Variants in NRP1 observed in about 807,000 individuals in gnomAD.
The protein encoded by NRP1 is neuropilin-1.
A neutral mutation model predicts 106.7 loss-of-function variants in NRP1; 35 were observed. That is an observed-to-expected ratio of 0.33 (90% CI 0.25 to 0.43). The LOEUF is 0.43. NRP1 is among the 20% of genes least tolerant of loss of function. The pLI, the probability that NRP1 is intolerant of heterozygous loss-of-function variation, is 1.00. For missense variants in NRP1, 1,024 were observed against 1,170.4 expected (o/e 0.87, Z 1.83); for synonymous variants, 437 against 417.9 (o/e 1.05, Z -0.56).
At chr10:33,196,918 G>T (rs553259781) in intron 12 of NRP1, among the ~76,000 whole-genome samples, 5 of 152,110 alleles carry the variant, frequency 3.3e-5, no homozygotes, top group Admixed American at 6.6e-5. Flanking sequence ...GTTCACCTTA[G>T]TCTAATGATT....
intron 6 of NRP1, among the ~76,000 whole-genome samples, chr10:33,238,290 T>C (rs1840738424): frequency 6.6e-6 from 1 of 152,236 alleles, no homozygotes. Context: ...AAACTGTGGA[T>C]GCTTTCTTTA....
intron 6 of NRP1, among the ~76,000 whole-genome samples, chr10:33,226,827 C>T (rs574139567): frequency 5.3e-5 from 8 of 152,270 alleles, no homozygotes; most frequent in Admixed American, 5.2e-4. Flanking sequence ...CTTGGGAGCC[C>T]CTGTTTTCAG....
At chr10:33,330,258 T>C (rs61758244) in intron 2 of NRP1, among the ~76,000 whole-genome samples, 321 of 152,306 alleles carry the variant, frequency 2.1e-3, no homozygotes, top group African/African-American at 7.5e-3. Context: ...AATCATAAGA[T>C]GTGCCACAGT....
At chr10:33,332,436 G>T (rs1056303603) in intron 1 of NRP1, among the ~76,000 whole-genome samples, 5 of 152,204 alleles carry the variant, frequency 3.3e-5, no homozygotes, top group Non-Finnish European at 7.3e-5. Flanking sequence ...CAAACATCAT[G>T]GTAGTGTCTG....
At position 33,202,632 on chromosome 10, in the gene NRP1, T is replaced by G. The variant is rs1009908599; in HGVS notation, c.1864+259A>C. The stretch of plus-strand genomic sequence containing the variant: ...AGTACATTTAGCCATGGGGAAATTC[T>G]TATTCAATTAAGATAATCCTAGCCT... On this transcript the variant is annotated intron_variant, in intron 11 of 16. Coordinates refer to ENST00000374867, the MANE Select transcript of NRP1 (RefSeq NM_003873.7). The G allele has an allele frequency of 9.2e-6, 14 of 1,523,728 alleles. No individual in the cohort carries two copies. The African/African-American group carries it at 1.9e-4, about 21-fold the overall frequency. The allele number at this position is 1,523,728 out of a possible 1,614,324, so 94.4% of individuals were successfully genotyped here.
intron 2 of NRP1, among the ~76,000 whole-genome samples, chr10:33,312,181 G>A (rs765912266): frequency 1.3e-5 from 2 of 152,092 alleles, no homozygotes; most frequent in Non-Finnish European, 2.9e-5. Flanking sequence ...TTTAAATCAA[G>A]TTTCCTGTCT....
At chr10:33,320,964 A>T (rs1256855215) in intron 2 of NRP1, among the ~76,000 whole-genome samples, 1 of 152,128 alleles carries the variant, frequency 6.6e-6, no homozygotes, top group South Asian at 2.1e-4. Context: ...ATCTTTCCAA[A>T]AGAGTTGATC....
chr10:33,334,530 C>G lies in NRP1; in HGVS notation c.-148G>C. ...GCCCGTCTTGGAGAAAAGAAAGCAGCGAGGCAATGCCTGGATCCGAGAGGA... is the reference window on the plus strand; with the variant it reads ...GCCCGTCTTGGAGAAAAGAAAGCAGGGAGGCAATGCCTGGATCCGAGAGGA... On this transcript the variant is annotated 5_prime_UTR_variant, in exon 1 of 17. Coordinates refer to ENST00000374867, the MANE Select transcript of NRP1 (RefSeq NM_003873.7). The G allele has an allele frequency of 3.1e-6, 2 of 648,728 alleles. No individual in the cohort carries two copies. Among genetic ancestry groups the G allele is most frequent in the Non-Finnish European group, 5.2e-6 (2 of 388,070 alleles). 40.2% of individuals were successfully genotyped at this position (648,728 alleles called of 1,614,324 possible).
chr10:33,249,041 T>G (rs1471632491), intron 6 of NRP1, among the ~76,000 whole-genome samples: 2 of 150,464 alleles, frequency 1.3e-5, no homozygotes, highest in African/African-American at 2.4e-5. Context: ...TTTTGTTTCT[T>G]TGAACAACAA....
intron 6 of NRP1, among the ~76,000 whole-genome samples, chr10:33,237,487 G>GCGCACACACA (rs1554788780): frequency 1.4e-5 from 2 of 144,758 alleles, no homozygotes; most frequent in African/African-American, 5.2e-5. Context: ...ACATGCGCGC[G>GCGCACACACA]CACACACACA....
At chr10:33,277,212 T>C (rs1457315777) in intron 2 of NRP1, among the ~76,000 whole-genome samples, 1 of 152,060 alleles carries the variant, frequency 6.6e-6, no homozygotes. Context: ...ATATAATCAG[T>C]GCATGTGTGA....
In NRP1 at chr10:33,334,544, G is replaced by T; in HGVS notation, c.-162C>A. The T allele has an allele frequency of 1.7e-6, 1 of 581,640 alleles. No individual in the cohort carries two copies. Among genetic ancestry groups the T allele is most frequent in the Non-Finnish European group, 2.9e-6 (1 of 339,232 alleles). The allele number at this position is 581,640 out of a possible 1,614,324, so 36.0% of individuals were successfully genotyped here. On this transcript the variant is annotated 5_prime_UTR_variant, in exon 1 of 17. Coordinates refer to ENST00000374867, the MANE Select transcript of NRP1 (RefSeq NM_003873.7). ...AAAGAAAGCAGCGAGGCAATGCCTG[G>T]ATCCGAGAGGAACGCTTCTCTTTTT...
intron 6 of NRP1, 48 bp downstream of exon 6, chr10:33,253,980 G>A: frequency 2.6e-6 from 4 of 1,539,568 alleles, no homozygotes; most frequent in East Asian, 2.3e-5. Context: ...TCTCTAGATG[G>A]TCAAAAACTT....
chr10:33,223,120 C>A lies in NRP1; in HGVS notation c.1138-1257G>T, dbSNP rs115063019. ...CTCAGCACAGCTGGGTCAGACACCT[C>A]CTTTTAGGCTGCATAACTGGAGCAT... is the stretch of plus-strand genomic sequence containing the variant. On this transcript the variant is annotated intron_variant, in intron 7 of 16. Transcript: ENST00000374867. 4.3e-3 allele frequency among the ~76,000 whole-genome samples: 649 copies of A among 152,314 alleles called. 4 individuals carry two copies. The highest frequency in any genetic ancestry group is 0.015 in the African/African-American group (617 of 41,560).
At chr10:33,209,113 G>A (rs1209098668) in intron 9 of NRP1, among the ~76,000 whole-genome samples, 1 of 150,542 alleles carries the variant, frequency 6.6e-6, no homozygotes, top group African/African-American at 2.4e-5. Flanking sequence ...CACCACGTTG[G>A]CCAGGCTGGT....
At chr10:33,309,624 C>T (rs571596625) in intron 2 of NRP1, among the ~76,000 whole-genome samples, 1 of 152,290 alleles carries the variant, frequency 6.6e-6, no homozygotes, top group South Asian at 2.1e-4. Flanking sequence ...TTGAAATGCT[C>T]ACATCAGCAG....
At chr10:33,182,986 G>A (rs1835781309) in intron 15 of NRP1, among the ~76,000 whole-genome samples, 2 of 152,272 alleles carry the variant, frequency 1.3e-5, no homozygotes, top group Middle Eastern at 6.8e-3. Context: ...CCTTTAAGGT[G>A]CCATATCTAA....
chr10:33,196,901 C>CTGACCT (rs1189775661), intron 12 of NRP1, among the ~76,000 whole-genome samples: 2 of 152,202 alleles, frequency 1.3e-5, no homozygotes, highest in East Asian at 3.8e-4. Context: ...AGCTGGAAAA[C>CTGACCT]TGACCTGTTC....
chr10:33,318,351 A>C (rs1442941099), intron 2 of NRP1, among the ~76,000 whole-genome samples: 1 of 152,198 alleles, frequency 6.6e-6, no homozygotes, highest in Non-Finnish European at 1.5e-5. Context: ...TGAATGGCAG[A>C]GGTGCAATTA....
Sources: allele counts gnomAD v4.1 joint callset (sites outside exome capture counted in the v4.1 genomes callset), GRCh38; gene constraint gnomAD v4.1.1; transcripts MANE v1.5; gene names NCBI Gene and HGNC (gene_info 2026-07-23, HGNC 2026-07-21).